ABR: variants seen among roughly 807,000 people sequenced by gnomAD.
ABR encodes the protein ABR activator of RhoGEF and GTPase, also known as active breakpoint cluster region-related protein.
ABR carries 35 observed loss-of-function variants against 107.2 expected under a neutral mutation model. The observed-to-expected ratio is 0.33, with a 90% CI of 0.25 to 0.43. The LOEUF (loss-of-function observed/expected upper bound fraction) is 0.43. Ranked by LOEUF, ABR falls within the 20% of genes least tolerant of loss-of-function variation. ABR has a pLI of 1.00. For missense variants in ABR, 815 were observed against 1,115.2 expected, an observed-to-expected ratio of 0.73 and a Z score of 3.83; for synonymous variants, 498 against 462.0, an observed-to-expected ratio of 1.08 and a Z score of -1.00.
At chr17:1,109,143 A>AGGCG (rs1312166711) in intron 2 of ABR, 8 of 603,246 alleles carry the variant, frequency 1.3e-5, no homozygotes, top group African/African-American at 8.2e-5. Flanking sequence ...AGGAGGGAGG[A>AGGCG]GGCGGGCGGG....
intron 2 of ABR, among the ~76,000 whole-genome samples, chr17:1,110,752 G>A (rs1441576510): frequency 6.6e-6 from 1 of 152,222 alleles, no homozygotes; most frequent in Non-Finnish European, 1.5e-5. Context: ...GGATTGCGGG[G>A]TGAGCCCTTG....
rs928969953 is a variant in ABR, at chr17:1,051,153, G to A, written c.1562-519C>T. Among the ~76,000 whole-genome samples the A allele has an allele frequency of 1.1e-4, 17 of 152,140 alleles. No homozygotes were observed. Among genetic ancestry groups the A allele is most frequent in the African/African-American group, 1.4e-4 (6 of 41,416 alleles). On this transcript the variant is annotated intron_variant, in intron 14 of 22. Transcript: ENST00000302538. The surrounding 1 kb of genome is among the most constrained non-coding windows in gnomAD (Gnocchi z 4.3). ...CTGAATGCTCGGAGCATCCCCTGCC[G>A]CGGTGACGACCAACAACGCCCACAT...
rs754219352 is a variant in ABR at position 1,152,821 on chromosome 17, C to T, written c.61+26846G>A. ...AAAAAATTCTGACACAGGCCGGGCG[C>T]GGTGGGTCATGCCTGTAATCCCAGC... On this transcript the variant is annotated intron_variant, in intron 1 of 22. Coordinates refer to ENST00000302538, the MANE Select transcript of ABR (RefSeq NM_021962.5). Among the ~76,000 whole-genome samples the T allele has an allele frequency of 1.1e-4, 16 of 150,620 alleles. No individual in the cohort carries two copies. The East Asian group carries it at 1.6e-3, about 15-fold the overall frequency.
At chr17:1,206,251 G>C (rs1026677087) in intron 1 of ABR, among the ~76,000 whole-genome samples, 1 of 152,218 alleles carries the variant, frequency 6.6e-6, no homozygotes, top group Admixed American at 6.5e-5. Context: ...ACACTGATGC[G>C]TTTATAGTGT....
chr17:1,069,902 C>T (rs564539418), intron 9 of ABR, 67 bp downstream of exon 9: 4 of 784,794 alleles, frequency 5.1e-6, no homozygotes, highest in African/African-American at 4.5e-5. Context: ...GCCCCGGACT[C>T]GCACACTCAC....
intron 2 of ABR, chr17:1,108,896 C>T (rs767880707): frequency 4.5e-6 from 7 of 1,548,808 alleles, no homozygotes; most frequent in Non-Finnish European, 5.2e-6. Flanking sequence ...AGCGCCGGCC[C>T]GGCCCCCCCC....
chr17:1,043,937 G>A (rs569152952), intron 16 of ABR, among the ~76,000 whole-genome samples: 1 of 152,344 alleles, frequency 6.6e-6, no homozygotes, highest in South Asian at 2.1e-4. Context: ...GGGCCCCTCA[G>A]GTTTAAGTAG....
chr17:1,042,165 G>A (rs910259257), intron 16 of ABR, among the ~76,000 whole-genome samples: 1 of 145,776 alleles, frequency 6.9e-6, no homozygotes, highest in African/African-American at 2.4e-5. Flanking sequence ...AATGTGCACG[G>A]ATGGACGGAC....
chr17:1,229,264 G>A (rs1053835503), exon 1 of ABR, among the ~76,000 whole-genome samples: 6 of 151,624 alleles, frequency 4.0e-5, no homozygotes, highest in South Asian at 4.1e-4. Context: ...AGCTGCCGGT[G>A]GACGGCGTCG....
At chr17:1,203,273 C>A (rs1312738619) in intron 1 of ABR, among the ~76,000 whole-genome samples, 1 of 150,706 alleles carries the variant, frequency 6.6e-6, no homozygotes, top group Non-Finnish European at 1.5e-5. Flanking sequence ...TCCAGCCAGG[C>A]TCCCGCGCAG....
Position 1,194,622 on chromosome 17 carries a change from G to C in ABR, c.838+34171C>G, listed in dbSNP as rs2042511871. Among the ~76,000 whole-genome samples, 2 of 127,448 alleles carry C rather than the reference G, an allele frequency of 1.6e-5. 1 individual carries two copies. The highest frequency in any genetic ancestry group is 1.9e-4 in the Admixed American group (2 of 10,436). 83.6% of individuals were successfully genotyped at this position (127,448 alleles called of 152,430 possible). On this transcript the variant is annotated intron_variant, in intron 1 of 22. Transcript: ENST00000574139. Reference sequence around the variant, plus strand: ...TCCCCCTGCCTCAACTTCTTGCATAGCTAGGACTACAGGCATGCACCACCA... The same window carrying C: ...TCCCCCTGCCTCAACTTCTTGCATACCTAGGACTACAGGCATGCACCACCA...
At chr17:1,009,850 G>C (rs982645706) in intron 20 of ABR, 66 bp from the exon 21 acceptor site, 23 of 1,418,512 alleles carry the variant, frequency 1.6e-5, no homozygotes, top group Admixed American at 6.8e-5. Flanking sequence ...CCCTGTGGTC[G>C]TGAGGCTGTG....
In ABR at chr17:1,005,077, C is replaced by G. The variant is rs2069923091; in HGVS notation, c.*1003G>C. 5.0e-6 allele frequency: 2 copies of G among 398,784 alleles called. No homozygotes were observed. The highest frequency in any genetic ancestry group is 4.4e-5 in the Admixed American group (1 of 22,722). 24.7% of individuals were successfully genotyped at this position (398,784 alleles called of 1,614,324 possible). ...AAGAGCTGAGCTGCCTCCCCGCGAC[C>G]CGGGACACCCAGCGTGGCATGTGCA... On this transcript the variant is annotated 3_prime_UTR_variant, in exon 23 of 23. Transcript: ENST00000302538.
chr17:1,067,578 C>T (rs535811350), intron 9 of ABR, among the ~76,000 whole-genome samples: 3 of 152,222 alleles, frequency 2.0e-5, no homozygotes, highest in Non-Finnish European at 4.4e-5. Flanking sequence ...CTATTCCCCA[C>T]CACAATCCCC....
At chr17:1,025,244 C>G (rs558164853) in intron 16 of ABR, among the ~76,000 whole-genome samples, 1 of 152,102 alleles carries the variant, frequency 6.6e-6, no homozygotes, top group East Asian at 1.9e-4. Context: ...TGCAGCGAGC[C>G]GAGATCGCGC....
intron 16 of ABR, among the ~76,000 whole-genome samples, chr17:1,049,726 C>G (rs756210614): frequency 6.6e-6 from 1 of 152,242 alleles, no homozygotes; most frequent in African/African-American, 2.4e-5. Context: ...CGTTCACCGA[C>G]GCAGCCTCTG....
chr17:1,147,949 C>A (rs1220362470), intron 1 of ABR, among the ~76,000 whole-genome samples: 1 of 152,220 alleles, frequency 6.6e-6, no homozygotes, highest in East Asian at 1.9e-4. Context: ...GTGCCAGGAG[C>A]ACCAACGGCT....
intron 5 of ABR, among the ~76,000 whole-genome samples, chr17:1,082,149 G>A (rs1224982808): frequency 6.6e-6 from 1 of 152,084 alleles, no homozygotes; most frequent in East Asian, 1.9e-4. Context: ...GGGCCTTTAC[G>A]GCAGGACTCC....
Position 1,113,277 on chromosome 17 carries a change from GA to G in ABR, c.246+11905del, listed in dbSNP as rs1386600923. The stretch of plus-strand genomic sequence containing the variant: ...GGGATAACATGGAAACACCTATTGC[GA>G]TTTTTTTTTTTTTTTTTTTTTTTTT... On this transcript the variant is annotated intron_variant, in intron 2 of 22. Coordinates refer to ENST00000302538, the MANE Select transcript of ABR (RefSeq NM_021962.5). Among the ~76,000 whole-genome samples, 7 of 88,208 alleles carry G rather than the reference GA, an allele frequency of 7.9e-5. 1 individual carries two copies. Among genetic ancestry groups the G allele is most frequent in the African/African-American group, 3.5e-4 (7 of 19,768 alleles). 57.9% of individuals were successfully genotyped at this position (88,208 alleles called of 152,430 possible).
Sources: gnomAD v4.1 joint callset for allele counts (sites outside exome capture counted in the v4.1 genomes callset) on GRCh38, gnomAD v4.1.1 for gene constraint, Gnocchi (gnomAD v3.1) non-coding constraint, MANE v1.5 for transcripts, NCBI Gene and HGNC (gene_info 2026-07-23, HGNC 2026-07-21) for gene names.